ZNF106: variants seen among roughly 807,000 people sequenced by gnomAD.
The protein encoded by ZNF106 is SH3-domain binding protein 3.
In ZNF106, 67 loss-of-function variants were observed where a neutral mutation model predicts 195.1. That is an observed-to-expected ratio of 0.34 (90% confidence interval 0.28 to 0.42). The LOEUF is 0.42. ZNF106 is among the 10% of genes least tolerant of loss of function. The pLI is 1.00. For missense variants in ZNF106, 2,118 were observed against 2,304.5 expected (o/e 0.92, Z 1.66); for synonymous variants, 784 against 818.6 (o/e 0.96, Z 0.72).
chr15:42,435,265 T>A lies in ZNF106; in HGVS notation c.4881+119A>T, dbSNP rs902700192. The A allele has an allele frequency of 1.1e-5, 15 of 1,402,246 alleles. No homozygotes were observed. In the East Asian group the frequency reaches 3.4e-4, roughly 32 times the overall value. The allele number at this position is 1,402,246 out of a possible 1,614,324, so 86.9% of individuals were successfully genotyped here. A position where few individuals can be genotyped will look rare whatever the true frequency, so the allele number is the denominator to read the frequency against. On this transcript the variant is annotated intron_variant, in intron 14 of 21. Transcript: ENST00000564754. ...CTACAACAATGTGCTAAACATTGTT[T>A]AGAAGCAAAAAGGAGATGGTGGGTA... is the stretch of plus-strand genomic sequence containing the variant.
In ZNF106 at chr15:42,430,394, TTTGAAAG is replaced by T. The variant is rs1160562440; in HGVS notation, c.4882-2267_4882-2261del. ...TAGGGATTTACTTATGTATTTGTTT[TTTGAAAG>T]ACAAGGTCTCGCTCTGCCTCCTGGC... On this transcript the variant is annotated intron_variant, in intron 14 of 21. Transcript: ENST00000564754. Among the ~76,000 whole-genome samples the T allele has an allele frequency of 2.0e-5, 3 of 152,060 alleles. No homozygotes were observed. In the East Asian group the frequency reaches 5.8e-4, roughly 29 times the overall value.
chr15:42,459,311 A>C (rs1437546798), intron 3 of ZNF106, among the ~76,000 whole-genome samples: 1 of 152,014 alleles, frequency 6.6e-6, no homozygotes, highest in African/African-American at 2.4e-5. Flanking sequence ...CCCCGTCTCT[A>C]CTAAAAATAC....
At chr15:42,435,553 G>A (rs1217781422) in intron 13 of ZNF106, 35 bp from the exon 14 acceptor site, 1 of 1,612,116 alleles carries the variant, frequency 6.2e-7, no homozygotes, top group Middle Eastern at 1.7e-4. Flanking sequence ...TATTACTTAT[G>A]AGATATAGGA....
chr15:42,428,873 C>T (rs1455865903), intron 14 of ZNF106, among the ~76,000 whole-genome samples: 1 of 151,938 alleles, frequency 6.6e-6, no homozygotes, highest in Admixed American at 6.6e-5. Context: ...ACACCATTCT[C>T]CTGCCTCAGC....
rs757890339 is a variant in ZNF106 at position 42,444,811 on chromosome 15, C to T, written c.3360+16G>A. On this transcript the variant is annotated intron_variant, in intron 8 of 21. Coordinates refer to ENST00000564754, the MANE Select transcript of ZNF106 (RefSeq NM_001366845.3). ...GGAGATGATCCATTTTTATTAAATC[C>T]TCCACATGCTGTTACCTGCTGCTTG... is the stretch of plus-strand genomic sequence containing the variant. 21 of 1,612,048 alleles carry T rather than the reference C, an allele frequency of 1.3e-5. No individual in the cohort carries two copies. The South Asian group carries it at 2.1e-4, about 16-fold the overall frequency.
In ZNF106 at chr15:42,443,625, G is replaced by C. The variant is rs562237964; in HGVS notation, c.3421+577C>G. Among the ~76,000 whole-genome samples, 87 of 152,100 alleles carry C rather than the reference G, an allele frequency of 5.7e-4. 1 individual carries two copies. The South Asian group carries it at 0.018, about 31-fold the overall frequency. On this transcript the variant is annotated intron_variant, in intron 9 of 21. Coordinates refer to ENST00000564754, the MANE Select transcript of ZNF106 (RefSeq NM_001366845.3). Reference sequence around the variant, plus strand: ...CACGTCTGTAGTCCCAGCTACTGGGGGGAGTGAGGTGGGAAAATTGCTTGA... The same window carrying C: ...CACGTCTGTAGTCCCAGCTACTGGGCGGAGTGAGGTGGGAAAATTGCTTGA...
rs1595856063 is a variant in ZNF106 at position 42,416,494 on chromosome 15, C to G, written c.*810G>C. 1 of 152,314 alleles carries G rather than the reference C, an allele frequency of 6.6e-6. No homozygotes were observed. Among genetic ancestry groups the G allele is most frequent in the African/African-American group, 2.4e-5 (1 of 41,456 alleles). 9.4% of individuals were successfully genotyped at this position (152,314 alleles called of 1,614,324 possible). A position where few individuals can be genotyped will look rare whatever the true frequency, so the allele number is the denominator to read the frequency against. Reference sequence around the variant, plus strand: ...CACTAGAAAGGAAGATAAAGGTACACCTCCAGTTCAACAGCCTGACAGGAT... The same window carrying G: ...CACTAGAAAGGAAGATAAAGGTACAGCTCCAGTTCAACAGCCTGACAGGAT... On this transcript the variant is annotated 3_prime_UTR_variant, in exon 22 of 22. Coordinates refer to ENST00000564754, the MANE Select transcript of ZNF106 (RefSeq NM_001366845.3).
intron 10 of ZNF106, among the ~76,000 whole-genome samples, chr15:42,441,418 G>C (rs1174112847): frequency 6.6e-6 from 1 of 152,048 alleles, no homozygotes; most frequent in East Asian, 1.9e-4. Flanking sequence ...GTAAAATCTA[G>C]AGTAATTTTT....
At chr15:42,475,869 A>G (rs916564682) in intron 1 of ZNF106, among the ~76,000 whole-genome samples, 1 of 152,222 alleles carries the variant, frequency 6.6e-6, no homozygotes, top group African/African-American at 2.4e-5. Flanking sequence ...AAAGTCAGTA[A>G]AAGAGTGTGA....
rs188982507 is a variant in ZNF106 at position 42,471,672 on chromosome 15, A to G, written c.54+564T>C. ...CTTGAACTGGGGAGGCAGAGGTTGC[A>G]GTGAGCTGAGATTGCGCCACTGCAC... On this transcript the variant is annotated intron_variant, in intron 2 of 21. Transcript: ENST00000564754. 7.4e-4 allele frequency among the ~76,000 whole-genome samples: 112 copies of G among 152,340 alleles called. 1 individual carries two copies. The highest frequency in any genetic ancestry group is 1.4e-3 in the Non-Finnish European group (94 of 68,026).
intron 1 of ZNF106, among the ~76,000 whole-genome samples, chr15:42,481,121 GCTT>G (rs1231069961): frequency 1.3e-5 from 2 of 151,984 alleles, no homozygotes; most frequent in African/African-American, 4.8e-5. Flanking sequence ...CCAAGATGAT[GCTT>G]TTTTGTGCTA....
At chr15:42,418,028 C>T in intron 20 of ZNF106, 77 bp from the exon 21 acceptor site, 1 of 1,396,668 alleles carries the variant, frequency 7.2e-7, no homozygotes, top group East Asian at 2.6e-5. Context: ...CCAGCTGGAT[C>T]CCATAAGCAC....
chr15:42,487,880 A>G (rs1396954188), intron 1 of ZNF106, among the ~76,000 whole-genome samples: 4 of 152,172 alleles, frequency 2.6e-5, no homozygotes, highest in Non-Finnish European at 4.4e-5. Flanking sequence ...CTATGCATAT[A>G]TGGTTGTCCC....
chr15:42,442,246 G>A lies in ZNF106; in HGVS notation c.3590C>T (p.Ala1197Val). 1 of 1,614,166 alleles carries A rather than the reference G, an allele frequency of 6.2e-7. No homozygotes were observed. The highest frequency in any genetic ancestry group is 8.5e-7 in the Non-Finnish European group (1 of 1,180,032). ...AGGAGACGTGGTTATTTGAAGAGAG[G>A]CTCCGGTGGGTGATGGAGACACATG... is the stretch of plus-strand genomic sequence containing the variant. ...SSHVSPSPTGASLQITTSPTF... is the reference protein window; with the variant it reads ...SSHVSPSPTGVSLQITTSPTF... Residue 1197 changes from alanine (A) to valine (V), a missense_variant, in exon 10 of 22, where the codon GCC becomes GTC. By Grantham distance (64) the Ala-to-Val change is moderately conservative. Transcript: ENST00000564754.
chr15:42,418,102 C>A, intron 20 of ZNF106, 151 bp from the exon 21 acceptor site: 1 of 808,662 alleles, frequency 1.2e-6, no homozygotes, highest in Non-Finnish European at 1.8e-6. Context: ...ACAACAAAGC[C>A]AAGGCAACCA....
Position 42,451,704 on chromosome 15 carries a change from C to T in ZNF106, c.568G>A (p.Val190Ile), listed in dbSNP as rs774153434. The T allele has an allele frequency of 6.2e-7, 1 of 1,614,096 alleles. No individual in the cohort carries two copies. The highest frequency in any genetic ancestry group is 1.7e-5 in the Admixed American group (1 of 60,000). ...PRGRSGWHKG[V>I]AGGSSTWFHN... ...AACCAAGTCGAGGAGCCTCCTGCAACACCCTTATGCCACCCGGAACGTCCT... is the reference window on the plus strand; with the variant it reads ...AACCAAGTCGAGGAGCCTCCTGCAATACCCTTATGCCACCCGGAACGTCCT... Residue 190 changes from valine (V) to isoleucine (I), a missense_variant, in exon 5 of 22, where the codon GTT (valine) becomes ATT (isoleucine). Coordinates refer to ENST00000564754, the MANE Select transcript of ZNF106 (RefSeq NM_001366845.3).
intron 9 of ZNF106, among the ~76,000 whole-genome samples, chr15:42,442,884 A>G (rs1405315566): frequency 6.6e-6 from 1 of 152,080 alleles, no homozygotes; most frequent in Non-Finnish European, 1.5e-5. Context: ...CCCGGGTCCA[A>G]GCGATTCTCC....
intron 2 of ZNF106, among the ~76,000 whole-genome samples, chr15:42,466,589 G>C (rs1445924090): frequency 6.6e-6 from 1 of 152,072 alleles, no homozygotes; most frequent in Non-Finnish European, 1.5e-5. Flanking sequence ...AGCATTTGTT[G>C]AATGAATATA....
At chr15:42,418,120 A>C (rs751846183) in intron 20 of ZNF106, among the ~76,000 whole-genome samples, 169 bp from the exon 21 acceptor site, 1 of 152,230 alleles carries the variant, frequency 6.6e-6, no homozygotes, top group Admixed American at 6.5e-5. Flanking sequence ...CCAAAATATC[A>C]GTATAATGAG....
Sources: gnomAD v4.1 joint callset for allele counts (sites outside exome capture counted in the v4.1 genomes callset) on GRCh38, gnomAD v4.1.1 for gene constraint, MANE v1.5 for transcripts, NCBI Gene and HGNC (gene_info 2026-07-23, HGNC 2026-07-21) for gene names.